Variants in CD53 observed in about 807,000 individuals in gnomAD.
CD53 encodes leukocyte surface antigen CD53.
A neutral mutation model predicts 27.3 loss-of-function variants in CD53; 20 were observed. The observed-to-expected ratio is 0.73, with a 90% CI of 0.52 to 1.07. The LOEUF (loss-of-function observed/expected upper bound fraction) is 1.07. Among genes scored for constraint, CD53 ranks in the 50% least tolerant of loss-of-function variants. The pLI is 0.00. For missense variants in CD53, 216 were observed against 264.0 expected (o/e 0.82, Z 1.26); for synonymous variants, 106 against 105.3 (o/e 1.01, Z -0.04).
intron 1 of CD53, among the ~76,000 whole-genome samples, chr1:110,889,951 A>G (rs1051303940): frequency 1.3e-5 from 2 of 152,238 alleles, no homozygotes; most frequent in Non-Finnish European, 2.9e-5. Context: ...AGGGGAAAAG[A>G]GCACAAAGTA....
intron 1 of CD53, 146 bp downstream of exon 1, chr1:110,873,394 T>C (rs1002708485): frequency 6.6e-6 from 1 of 152,648 alleles, no homozygotes; most frequent in Admixed American, 6.5e-5. Flanking sequence ...TAAAACAGAT[T>C]AGCAAGATCC....
At chr1:110,876,909 G>T (rs967154466) in intron 1 of CD53, among the ~76,000 whole-genome samples, 1 of 152,090 alleles carries the variant, frequency 6.6e-6, no homozygotes, top group African/African-American at 2.4e-5. Context: ...TCATTTGACA[G>T]TAATTAGTAA....
In CD53 at chr1:110,897,873, T is replaced by C. The variant is rs764011529; in HGVS notation, c.569T>C (p.Ile190Thr). 1.3e-5 allele frequency: 21 copies of C among 1,608,536 alleles called. No homozygotes were observed. The highest frequency in any genetic ancestry group is 1.4e-5 in the Non-Finnish European group (17 of 1,175,334). Residue 190 changes from isoleucine to threonine, a missense_variant, in exon 7 of 8, where the codon ATC becomes ACC. Ile to Thr is a moderately conservative substitution (Grantham distance 89). Transcript: ENST00000271324. ...TTCCTGTATATCGGAATCATCACCA[T>C]CTGTGTATGTGTGATTGAGGTAAGA... ...SNFLYIGIIT[I>T]CVCVIEVLGM...
intron 1 of CD53, among the ~76,000 whole-genome samples, chr1:110,887,678 A>C (rs1476363297): frequency 6.6e-6 from 1 of 152,160 alleles, no homozygotes; most frequent in African/African-American, 2.4e-5. Flanking sequence ...CTGAGGCTAC[A>C]TCCTTCTGTG....
chr1:110,897,926 T>G (rs1293902115), intron 7 of CD53, 34 bp downstream of exon 7: 2 of 1,233,460 alleles, frequency 1.6e-6, no homozygotes, highest in Admixed American at 1.8e-5. Context: ...TTGTGAGGAT[T>G]ACATGAGTTA....
chr1:110,888,043 AAAGC>A (rs1656698774), intron 1 of CD53, among the ~76,000 whole-genome samples: 2 of 152,176 alleles, frequency 1.3e-5, no homozygotes, highest in Non-Finnish European at 2.9e-5. Context: ...TGTGATGACA[AAAGC>A]AAGAAGTTGC....
intron 1 of CD53, among the ~76,000 whole-genome samples, chr1:110,886,872 T>TTTTC (rs1656639540): frequency 7.0e-6 from 1 of 143,808 alleles, no homozygotes; most frequent in Non-Finnish European, 1.5e-5. Flanking sequence ...TATATATATT[T>TTTTC]TTTTTTTCTG....
At chr1:110,878,714 AT>A (rs1656223143) in intron 1 of CD53, among the ~76,000 whole-genome samples, 1 of 152,314 alleles carries the variant, frequency 6.6e-6, no homozygotes, top group South Asian at 2.1e-4. Flanking sequence ...AAACACTTCC[AT>A]TCACTGAAAG....
chr1:110,895,238 C>A (rs989260554), intron 5 of CD53, among the ~76,000 whole-genome samples, 183 bp downstream of exon 5: 5 of 152,200 alleles, frequency 3.3e-5, no homozygotes, highest in African/African-American at 1.2e-4. Flanking sequence ...GTACAAAGTT[C>A]TCTACATTCT....
intron 6 of CD53, 74 bp downstream of exon 6, chr1:110,896,807 T>A: frequency 8.0e-7 from 1 of 1,255,582 alleles, no homozygotes; most frequent in Non-Finnish European, 1.2e-6. Flanking sequence ...ACTGCAGTCA[T>A]AGAGGACCTA....
In CD53 at chr1:110,894,367, C is replaced by A. The variant is rs150204756; in HGVS notation, c.293C>A (p.Thr98Asn). The change falls in exon 4 of 8, where the codon ACC (threonine) becomes AAC (asparagine). Residue 98 changes from threonine to asparagine, a missense_variant. Physicochemically the swap from Thr to Asn is moderately conservative, Grantham distance 65 (BLOSUM62 0). Transcript: ENST00000271324. Reference sequence around the variant, plus strand: ...CTGATTATCCTCCTTGCTGAGGTGACCTTGGCCATCCTGCTCTTTGTATAT... The same window carrying A: ...CTGATTATCCTCCTTGCTGAGGTGAACTTGGCCATCCTGCTCTTTGTATAT... The part of the protein sequence containing the change: ...LLLIILLAEV[T>N]LAILLFVYEQ... 2.7e-5 allele frequency: 43 copies of A among 1,614,008 alleles called. No individual in the cohort carries two copies. The African/African-American group carries it at 5.3e-4, about 20-fold the overall frequency.
Position 110,894,978 on chromosome 1 carries a change from A to G in CD53, c.346A>G (p.Lys116Glu), listed in dbSNP as rs780511824. ...YEQKLNEYVA[K>E]GLTDSIHRYH... Reference sequence around the variant, plus strand: ...TGCCCAGCTGAATGAGTATGTGGCTAAGGGTCTGACCGACAGCATCCACCG... The same window carrying G: ...TGCCCAGCTGAATGAGTATGTGGCTGAGGGTCTGACCGACAGCATCCACCG... Residue 116 changes from lysine to glutamate, a missense_variant, in exon 5 of 8, where the codon AAG becomes GAG. Physicochemically the swap from Lys to Glu is moderately conservative, Grantham distance 56. Transcript: ENST00000271324. 38 of 1,613,840 alleles carry G rather than the reference A, an allele frequency of 2.4e-5. 2 individuals are homozygous for G. The South Asian group carries it at 3.7e-4, about 16-fold the overall frequency.
intron 1 of CD53, among the ~76,000 whole-genome samples, chr1:110,890,051 T>TATC (rs2101056979): frequency 6.6e-6 from 1 of 152,304 alleles, no homozygotes; most frequent in Non-Finnish European, 1.5e-5. Flanking sequence ...TCATCAGGCT[T>TATC]ATCTACAGCC....
At chr1:110,879,115 G>A (rs547679156) in intron 1 of CD53, among the ~76,000 whole-genome samples, 1 of 152,128 alleles carries the variant, frequency 6.6e-6, no homozygotes, top group African/African-American at 2.4e-5. Context: ...CCCCGTGTAT[G>A]TTTTATTCCT....
intron 1 of CD53, among the ~76,000 whole-genome samples, chr1:110,887,073 T>C (rs1656651788): frequency 3.3e-5 from 5 of 151,436 alleles, no homozygotes; most frequent in Admixed American, 1.3e-4. Context: ...TTTTATTTTA[T>C]TTTATTTTGA....
At chr1:110,872,960 T>A (rs1169171631), upstream of CD53, among the ~76,000 whole-genome samples, 2 of 152,138 alleles carry the variant, frequency 1.3e-5, no homozygotes, top group Non-Finnish European at 2.9e-5. Context: ...GGTTTTGAAG[T>A]TTTCTTTTGT....
chr1:110,899,143 C>T lies in CD53; in HGVS notation c.608C>T (p.Ala203Val). 6.2e-7 allele frequency: 1 copy of T among 1,613,832 alleles called. No individual in the cohort carries two copies. The highest frequency in any genetic ancestry group is 8.5e-7 in the Non-Finnish European group (1 of 1,179,786). ...TCACAGGTGTTGGGGATGTCCTTTG[C>T]ACTGACCCTGAACTGCCAGATTGAC... The part of the protein sequence containing the change: ...CVIEVLGMSF[A>V]LTLNCQIDKT... Residue 203 changes from alanine (A) to valine (V), a missense_variant, in exon 8 of 8, where the codon GCA (alanine) becomes GTA (valine). Coordinates refer to ENST00000271324, the MANE Select transcript of CD53 (RefSeq NM_000560.4).
At chr1:110,887,414 C>A (rs189052373) in intron 1 of CD53, among the ~76,000 whole-genome samples, 131 of 152,192 alleles carry the variant, frequency 8.6e-4, no homozygotes, top group African/African-American at 3.1e-3. Flanking sequence ...TAATCTAACA[C>A]CTGGGTTGGT....
chr1:110,897,749 C>A, intron 6 of CD53, 60 bp from the exon 7 acceptor site: 2 of 1,016,436 alleles, frequency 2.0e-6, no homozygotes, highest in Non-Finnish European at 3.1e-6. Flanking sequence ...CTTCCAAATA[C>A]TTCCTCTTGA....
Sources: gnomAD v4.1 joint callset for allele counts (sites outside exome capture counted in the v4.1 genomes callset) on GRCh38, gnomAD v4.1.1 for gene constraint, MANE v1.5 for transcripts, NCBI Gene and HGNC (gene_info 2026-07-23, HGNC 2026-07-21) for gene names.